Variants in GRM7 observed in about 807,000 individuals in gnomAD.
GRM7 encodes the protein glutamate metabotropic receptor 7.
Under a neutral mutation model 84.5 loss-of-function variants are expected in GRM7, and 35 were observed. The ratio of observed to expected loss-of-function variants is 0.41; its 90% CI spans 0.32 to 0.55. The LOEUF (loss-of-function observed/expected upper bound fraction) is 0.55, where lower values mean the gene tolerates loss of function less well. GRM7 is among the 20% of genes least tolerant of loss of function. GRM7 has a pLI of 0.19. For missense variants in GRM7, 1,003 were observed against 1,194.6 expected (o/e 0.84, Z 2.36); for synonymous variants, 487 against 455.1 (o/e 1.07, Z -0.89).
chr3:7,223,428 A>C (rs1696876360), intron 2 of GRM7, among the ~76,000 whole-genome samples: 1 of 151,842 alleles, frequency 6.6e-6, no homozygotes, highest in Non-Finnish European at 1.5e-5. Flanking sequence ...TTTGTCTTCT[A>C]GTTCATTTCT....
intron 1 of GRM7, among the ~76,000 whole-genome samples, chr3:6,996,209 TGG>T (rs1491452234): frequency 1.3e-5 from 2 of 152,052 alleles, no homozygotes; most frequent in Non-Finnish European, 2.9e-5. Flanking sequence ...CCACCAAGCC[TGG>T]CTCAATTTTT....
intron 8 of GRM7, among the ~76,000 whole-genome samples, chr3:7,661,915 G>A (rs1699474317): frequency 6.8e-6 from 1 of 147,666 alleles, no homozygotes; most frequent in Non-Finnish European, 1.5e-5. Context: ...CCTCTCCAAA[G>A]TATTTATCCC....
At chr3:7,562,219 A>C (rs1344107698) in intron 7 of GRM7, among the ~76,000 whole-genome samples, 1 of 152,108 alleles carries the variant, frequency 6.6e-6, no homozygotes, top group Non-Finnish European at 1.5e-5. Flanking sequence ...TATTTGGCTC[A>C]GTCTTGCTAA....
intron 9 of GRM7, among the ~76,000 whole-genome samples, chr3:7,732,815 G>T (rs1002076105): frequency 6.6e-6 from 1 of 152,170 alleles, no homozygotes; most frequent in Non-Finnish European, 1.5e-5. Flanking sequence ...TTCAGGGTTA[G>T]TCCACAGTGC....
At chr3:7,165,155 T>G (rs1403108046) in intron 2 of GRM7, among the ~76,000 whole-genome samples, 1 of 152,226 alleles carries the variant, frequency 6.6e-6, no homozygotes, top group Non-Finnish European at 1.5e-5. Flanking sequence ...TTTGTCTGTT[T>G]TCACTCTTCC....
intron 5 of GRM7, among the ~76,000 whole-genome samples, chr3:7,435,910 G>T (rs1697037089): frequency 7.6e-6 from 1 of 131,008 alleles, no homozygotes; most frequent in Non-Finnish European, 1.6e-5. Context: ...TGCCATGTTA[G>T]CCAGGATGGT....
At chr3:7,052,771 A>G (rs1194975219) in intron 1 of GRM7, among the ~76,000 whole-genome samples, 3 of 118,568 alleles carry the variant, frequency 2.5e-5, no homozygotes, top group African/African-American at 4.5e-5. Context: ...GTTTGAATAC[A>G]TCACAGTTTG....
intron 2 of GRM7, among the ~76,000 whole-genome samples, chr3:7,205,434 G>A (rs769095148): frequency 3.3e-5 from 5 of 152,196 alleles, no homozygotes; most frequent in Non-Finnish European, 7.3e-5. Flanking sequence ...AGGGAACAGA[G>A]TCTGCCTTCA....
Position 7,591,120 on chromosome 3 carries a change from A to G in GRM7, c.2451+11763A>G, listed in dbSNP as rs370394344. On this transcript the variant is annotated intron_variant, in intron 8 of 9. Coordinates refer to ENST00000357716, the MANE Select transcript of GRM7 (RefSeq NM_000844.4). ...GTACACTAATGTCTGTGAAAATAAG[A>G]AAGTAGGTTTATAGCAAGAACAGCC... 9.9e-5 allele frequency among the ~76,000 whole-genome samples: 15 copies of G among 152,214 alleles called. No homozygotes were observed. The East Asian group carries it at 1.3e-3, about 14-fold the overall frequency.
chr3:7,615,358 G>A (rs1296236198), intron 8 of GRM7, among the ~76,000 whole-genome samples: 3 of 151,960 alleles, frequency 2.0e-5, no homozygotes, highest in Non-Finnish European at 2.9e-5. Context: ...AAATTAAAAT[G>A]GCTTACTTAT....
chr3:7,369,180 G>A (rs923989263), intron 4 of GRM7, among the ~76,000 whole-genome samples: 1 of 152,006 alleles, frequency 6.6e-6, no homozygotes, highest in Non-Finnish European at 1.5e-5. Context: ...ACAGCCTCCG[G>A]AGTAGCCAGA....
intron 3 of GRM7, among the ~76,000 whole-genome samples, chr3:7,299,243 A>G (rs7614979): frequency 0.058 from 8,862 of 152,136 alleles, 615 homozygotes; most frequent in African/African-American, 0.17. Flanking sequence ...ACATTCTCCA[A>G]TCCACTTTCT....
intron 8 of GRM7, among the ~76,000 whole-genome samples, chr3:7,602,061 G>C (rs1339647109): frequency 2.8e-5 from 4 of 141,540 alleles, no homozygotes; most frequent in Non-Finnish European, 6.0e-5. Context: ...GGCTCACCAG[G>C]GAACGCATAT....
intron 1 of GRM7, among the ~76,000 whole-genome samples, chr3:7,061,907 A>G (rs114736271): frequency 4.1e-3 from 617 of 151,848 alleles, no homozygotes; most frequent in Middle Eastern, 0.01. Context: ...AATACAAAAT[A>G]GCATATTCCC....
intron 4 of GRM7, among the ~76,000 whole-genome samples, chr3:7,307,878 T>A (rs1295651514): frequency 6.6e-6 from 1 of 152,108 alleles, no homozygotes; most frequent in Non-Finnish European, 1.5e-5. Context: ...CCTCAAAGCA[T>A]ACAGAGCTGA....
At chr3:7,465,472 C>G (rs953645446) in intron 7 of GRM7, among the ~76,000 whole-genome samples, 2 of 144,326 alleles carry the variant, frequency 1.4e-5, no homozygotes, top group Admixed American at 6.9e-5. Context: ...CACCCTACCC[C>G]TCTCACCTGG....
intron 6 of GRM7, among the ~76,000 whole-genome samples, chr3:7,453,856 T>A (rs894664002): frequency 6.6e-6 from 1 of 152,140 alleles, no homozygotes. Context: ...TCTTGGTCTA[T>A]CTGTGCAACA....
intron 7 of GRM7, among the ~76,000 whole-genome samples, chr3:7,502,226 C>A (rs1051166209): frequency 6.6e-6 from 1 of 152,112 alleles, no homozygotes; most frequent in Admixed American, 6.6e-5. Context: ...GTCAATAAGT[C>A]ATATAACAAC....
chr3:7,442,402 TCAAA>T (rs1697327215), intron 5 of GRM7, among the ~76,000 whole-genome samples: 1 of 152,198 alleles, frequency 6.6e-6, no homozygotes, highest in African/African-American at 2.4e-5. Context: ...CACAGCATCT[TCAAA>T]CAGAGATAGT....
Sources: allele counts gnomAD v4.1 joint callset (sites outside exome capture counted in the v4.1 genomes callset), GRCh38; gene constraint gnomAD v4.1.1; transcripts MANE v1.5; gene names NCBI Gene and HGNC (gene_info 2026-07-23, HGNC 2026-07-21).